The following MED13L variants were observed in gnomAD, a reference collection of about 807,000 sequenced individuals.
MED13L encodes the protein mediator of RNA polymerase II transcription subunit 13-like.
Under a neutral mutation model 220.9 loss-of-function variants are expected in MED13L, and 7 were observed. That is an observed-to-expected ratio of 0.03 (90% CI 0.02 to 0.06). The LOEUF is 0.06. Among genes scored for constraint, MED13L ranks in the 10% least tolerant of loss-of-function variants. MED13L has a pLI of 1.00. For synonymous variants in MED13L, 1,011 were observed against 1,015.2 expected, an observed-to-expected ratio of 1.00 and a Z score of 0.08; for missense variants, 1,965 against 2,760.5, an observed-to-expected ratio of 0.71 and a Z score of 6.46.
At position 116,008,504 on chromosome 12, in the gene MED13L, G is replaced by A. The variant is rs762998947; in HGVS notation, c.1909C>T (p.Arg637Cys). The change falls in exon 10 of 31, where the codon CGT (arginine) becomes TGT (cysteine). Residue 637 changes from arginine to cysteine, a missense_variant. By Grantham distance (180) the Arg-to-Cys change is radical (BLOSUM62 -3). Coordinates refer to ENST00000281928, the MANE Select transcript of MED13L (RefSeq NM_015335.5). ...ESSEKWWHSY[R>C]LPPSDDAEFR... Reference sequence around the variant, plus strand: ...TCAGCATCATCACTGGGTGGGAGACGATAACTATGCCACCACTTTTCTGAT... The same window carrying A: ...TCAGCATCATCACTGGGTGGGAGACAATAACTATGCCACCACTTTTCTGAT... 2.2e-5 allele frequency: 36 copies of A among 1,613,682 alleles called. No homozygotes were observed. The highest frequency in any genetic ancestry group is 1.8e-4 in the Admixed American group (11 of 59,982).
intron 2 of MED13L, among the ~76,000 whole-genome samples, chr12:116,235,795 T>C (rs977530645): frequency 1.3e-5 from 2 of 152,172 alleles, no homozygotes; most frequent in Admixed American, 1.3e-4. Context: ...ATAAATTTAT[T>C]CTATATTATC....
intron 7 of MED13L, among the ~76,000 whole-genome samples, chr12:116,016,135 G>T (rs904548002): frequency 2.0e-5 from 3 of 151,980 alleles, no homozygotes; most frequent in Non-Finnish European, 2.9e-5. Flanking sequence ...ATTTGACTTA[G>T]TAAGTATATA....
chr12:116,042,303 T>A (rs1032071914), intron 4 of MED13L, among the ~76,000 whole-genome samples: 1 of 152,134 alleles, frequency 6.6e-6, no homozygotes, highest in Non-Finnish European at 1.5e-5. Context: ...TCCCTGAAAG[T>A]GTAATGAAGG....
At chr12:116,171,296 C>T (rs189009566) in intron 2 of MED13L, among the ~76,000 whole-genome samples, 3 of 152,300 alleles carry the variant, frequency 2.0e-5, no homozygotes, top group Admixed American at 6.5e-5. Context: ...TTTTTCATCA[C>T]AGAGATTTCT....
intron 14 of MED13L, among the ~76,000 whole-genome samples, chr12:115,998,866 T>C (rs982025767): frequency 2.6e-5 from 4 of 152,102 alleles, no homozygotes; most frequent in African/African-American, 4.8e-5. Flanking sequence ...GATTTCATTA[T>C]ACAAAAAAGT....
intron 1 of MED13L, among the ~76,000 whole-genome samples, chr12:116,254,260 G>T (rs1009121536): frequency 3.3e-5 from 5 of 151,886 alleles, no homozygotes; most frequent in African/African-American, 1.2e-4. Context: ...AGAAAAAGTA[G>T]TAAAATACAA....
intron 2 of MED13L, among the ~76,000 whole-genome samples, chr12:116,125,032 A>C (rs1279600813): frequency 2.0e-5 from 3 of 152,242 alleles, no homozygotes; most frequent in Non-Finnish European, 4.4e-5. Context: ...CTACAACACT[A>C]TTGATTTTTA....
At chr12:116,147,645 A>C (rs2138074780) in intron 2 of MED13L, among the ~76,000 whole-genome samples, 1 of 152,256 alleles carries the variant, frequency 6.6e-6, no homozygotes, top group Non-Finnish European at 1.5e-5. Flanking sequence ...CGATATGCTA[A>C]AGATTTCTTT....
chr12:116,077,923 C>T (rs1437116710), intron 4 of MED13L, among the ~76,000 whole-genome samples: 1 of 152,126 alleles, frequency 6.6e-6, no homozygotes, highest in Non-Finnish European at 1.5e-5. Flanking sequence ...GAGGCCGAGG[C>T]GTGTAGATCA....
intron 2 of MED13L, among the ~76,000 whole-genome samples, chr12:116,188,347 T>A (rs1881037796): frequency 6.6e-6 from 1 of 152,006 alleles, no homozygotes; most frequent in Non-Finnish European, 1.5e-5. Flanking sequence ...GATCCTCAAT[T>A]TTCAACAACT....
chr12:116,189,934 T>G (rs549985143), intron 2 of MED13L, among the ~76,000 whole-genome samples: 20 of 152,256 alleles, frequency 1.3e-4, no homozygotes, highest in East Asian at 5.8e-4. Flanking sequence ...GATGTTTTTT[T>G]GGGGGGAGGG....
At chr12:116,245,961 A>G (rs1417651411) in intron 1 of MED13L, among the ~76,000 whole-genome samples, 2 of 152,220 alleles carry the variant, frequency 1.3e-5, no homozygotes, top group South Asian at 2.1e-4. Flanking sequence ...CGCGGAAGGC[A>G]TATCACTGTA....
Position 116,277,276 on chromosome 12 carries a change from G to A in MED13L, c.-145C>T. 2.3e-5 allele frequency: 1 copy of A among 42,986 alleles called. No individual in the cohort carries two copies. The highest frequency in any genetic ancestry group is 2.6e-5 in the Non-Finnish European group (1 of 38,518). 2.7% of individuals were successfully genotyped at this position (42,986 alleles called of 1,614,324 possible). A position where few individuals can be genotyped will look rare whatever the true frequency, so the allele number is the denominator to read the frequency against. The stretch of plus-strand genomic sequence containing the variant: ...CCGGGGGAGGGCGCGAGGGCCGGCG[G>A]GCAGGCGGGAGGCGCCGCGGCGACG... On this transcript the variant is annotated 5_prime_UTR_variant, in exon 1 of 31. Coordinates refer to ENST00000281928, the MANE Select transcript of MED13L (RefSeq NM_015335.5).
Position 115,970,685 on chromosome 12 carries a change from A to C in MED13L, c.5976T>G (p.Ser1992=). Reference sequence around the variant, plus strand: ...TTGGGAACACCAAGATGTGTGTACAAGAAGCATCTTGAGGGGTGTTGAGCT... The same window carrying C: ...TTGGGAACACCAAGATGTGTGTACACGAAGCATCTTGAGGGGTGTTGAGCT... ...SSQLNTPQDA[S]CTHILVFPTS... Residue 1992 remains serine, a synonymous_variant, in exon 27 of 31, where the codon TCT becomes TCG. Coordinates refer to ENST00000281928, the MANE Select transcript of MED13L (RefSeq NM_015335.5). 1 of 1,614,152 alleles carries C rather than the reference A, an allele frequency of 6.2e-7. No individual in the cohort carries two copies. Among genetic ancestry groups the C allele is most frequent in the Non-Finnish European group, 8.5e-7 (1 of 1,179,974 alleles).
chr12:116,122,044 C>T, intron 2 of MED13L, among the ~76,000 whole-genome samples: 1 of 152,092 alleles, frequency 6.6e-6, no homozygotes. Flanking sequence ...TTATCATTTG[C>T]CCACTGCCTT....
chr12:116,125,898 T>C (rs1875546398), intron 2 of MED13L, among the ~76,000 whole-genome samples: 1 of 152,108 alleles, frequency 6.6e-6, no homozygotes, highest in Admixed American at 6.6e-5. Flanking sequence ...TGAATTTCTG[T>C]TACAATTATC....
intron 3 of MED13L, among the ~76,000 whole-genome samples, chr12:116,109,402 T>C (rs1565881606): frequency 6.6e-6 from 1 of 152,158 alleles, no homozygotes; most frequent in East Asian, 1.9e-4. Flanking sequence ...CCTCCCAGTT[T>C]TTCTGCTCTT....
intron 2 of MED13L, among the ~76,000 whole-genome samples, chr12:116,189,605 A>G (rs1305318354): frequency 6.6e-6 from 1 of 152,152 alleles, no homozygotes; most frequent in African/African-American, 2.4e-5. Context: ...AAAGTTTTAT[A>G]GTTTACTTAT....
chr12:116,087,321 TTTC>T (rs1215407149), intron 4 of MED13L, among the ~76,000 whole-genome samples: 2 of 152,188 alleles, frequency 1.3e-5, no homozygotes, highest in African/African-American at 4.8e-5. Flanking sequence ...ATGTAATCTT[TTTC>T]TTAACATTTT....
Sources: gnomAD v4.1 joint callset for allele counts (sites outside exome capture counted in the v4.1 genomes callset) on GRCh38, gnomAD v4.1.1 for gene constraint, MANE v1.5 for transcripts, NCBI Gene and HGNC (gene_info 2026-07-23, HGNC 2026-07-21) for gene names.